Variants in GRIA1 observed in about 807,000 individuals in gnomAD.
GRIA1 encodes the protein glutamate ionotropic receptor AMPA type subunit 1.
Under a neutral mutation model 99.2 loss-of-function variants are expected in GRIA1, and 31 were observed. That is an observed-to-expected ratio of 0.31 (90% confidence interval 0.23 to 0.42). GRIA1 has a LOEUF of 0.42. Among genes scored for constraint, GRIA1 ranks in the 10% least tolerant of loss-of-function variants. The pLI, the probability that GRIA1 is intolerant of heterozygous loss-of-function variation, is 1.00. For synonymous variants in GRIA1, 438 were observed against 432.4 expected (o/e 1.01, Z -0.16); for missense variants, 782 against 1,157.5 (o/e 0.68, Z 4.71).
At chr5:153,657,818 G>T (rs1755063880) in intron 5 of GRIA1, among the ~76,000 whole-genome samples, 1 of 152,172 alleles carries the variant, frequency 6.6e-6, no homozygotes, top group African/African-American at 2.4e-5. Flanking sequence ...GCTGTTAATG[G>T]CTAAATATAT....
chr5:153,514,542 G>T (rs944552157), intron 2 of GRIA1, among the ~76,000 whole-genome samples: 1 of 152,066 alleles, frequency 6.6e-6, no homozygotes. Context: ...CTATTCCATT[G>T]GTCTACATAT....
intron 11 of GRIA1, among the ~76,000 whole-genome samples, chr5:153,708,011 G>C (rs1468330389): frequency 6.6e-6 from 1 of 152,124 alleles, no homozygotes; most frequent in African/African-American, 2.4e-5. Context: ...ACAACATGCA[G>C]GTGTCAGAGA....
intron 2 of GRIA1, among the ~76,000 whole-genome samples, chr5:153,555,354 C>T (rs1020507649): frequency 6.6e-6 from 1 of 151,532 alleles, no homozygotes; most frequent in African/African-American, 2.4e-5. Context: ...TTTCATTTTT[C>T]GCGCATTCCT....
chr5:153,707,904 C>A (rs1051616967), intron 11 of GRIA1, among the ~76,000 whole-genome samples: 3 of 152,010 alleles, frequency 2.0e-5, no homozygotes, highest in South Asian at 2.1e-4. Flanking sequence ...GTAGAGAGAA[C>A]CAAGCAGGGG....
intron 2 of GRIA1, among the ~76,000 whole-genome samples, chr5:153,535,979 A>G (rs1377859648): frequency 6.6e-6 from 1 of 152,120 alleles, no homozygotes; most frequent in Non-Finnish European, 1.5e-5. Flanking sequence ...TGCCAAATCC[A>G]TCCCAATTCT....
chr5:153,810,800 A>G (rs2149683427), intron 15 of GRIA1, among the ~76,000 whole-genome samples: 1 of 152,304 alleles, frequency 6.6e-6, no homozygotes, highest in Middle Eastern at 3.4e-3. Context: ...AATCTAACAC[A>G]CTTCATTGAA....
At chr5:153,700,279 G>A (rs940532075) in intron 10 of GRIA1, among the ~76,000 whole-genome samples, 5 of 152,164 alleles carry the variant, frequency 3.3e-5, no homozygotes, top group African/African-American at 4.8e-5. Flanking sequence ...CAGCTCCTTG[G>A]GAGGCTGAGG....
chr5:153,701,619 C>CAAAAAAAAAAAAAAAAAAAAAAAAAA lies in GRIA1; in HGVS notation c.1452+2569_1452+2570insAAAAAAAAAAAAAAAAAAAAAAAAAA, dbSNP rs70978504. On this transcript the variant is annotated intron_variant, in intron 10 of 15. Transcript: ENST00000285900. ...CTGGGCGACAAAGCGAGACCCGTCT[C>CAAAAAAAAAAAAAAAAAAAAAAAAAA]AAAAAAAAAAAAAAAAAAAAAAATA... 1.9e-3 allele frequency among the ~76,000 whole-genome samples: 76 copies of CAAAAAAAAAAAAAAAAAAAAAAAAAA among 39,400 alleles called. 18 individuals are homozygous for CAAAAAAAAAAAAAAAAAAAAAAAAAA. The highest frequency in any genetic ancestry group is 7.4e-3 in the East Asian group (4 of 540). 25.8% of individuals were successfully genotyped at this position (39,400 alleles called of 152,430 possible).
chr5:153,530,688 G>A (rs1025636766), intron 2 of GRIA1, among the ~76,000 whole-genome samples: 1 of 152,208 alleles, frequency 6.6e-6, no homozygotes, highest in Non-Finnish European at 1.5e-5. Context: ...ATTCAGACAG[G>A]CATGCTTTAC....
intron 2 of GRIA1, among the ~76,000 whole-genome samples, chr5:153,558,755 G>C (rs1760867396): frequency 6.6e-6 from 1 of 152,034 alleles, no homozygotes; most frequent in African/African-American, 2.4e-5. Flanking sequence ...TAAATATTAT[G>C]GGGAGTGGGC....
intron 2 of GRIA1, among the ~76,000 whole-genome samples, chr5:153,536,585 G>T (rs10463334): frequency 6.6e-6 from 1 of 151,954 alleles, no homozygotes; most frequent in Non-Finnish European, 1.5e-5. Context: ...CCCCAGCAAA[G>T]TGTGTTGAAT....
intron 2 of GRIA1, among the ~76,000 whole-genome samples, chr5:153,566,304 CTTTT>C: frequency 2.7e-5 from 1 of 36,554 alleles, no homozygotes; most frequent in East Asian, 1.2e-3. Flanking sequence ...AATTCCCTGC[CTTTT>C]TTTTTTTTTT....
chr5:153,743,622 C>A (rs1167161553), intron 11 of GRIA1, among the ~76,000 whole-genome samples: 1 of 152,144 alleles, frequency 6.6e-6, no homozygotes, highest in Non-Finnish European at 1.5e-5. Flanking sequence ...ATCCCTCCCA[C>A]TTCAAATCTC....
Position 153,719,453 on chromosome 5 carries a change from G to C in GRIA1, c.1823+13386G>C, listed in dbSNP as rs184516400. On this transcript the variant is annotated intron_variant, in intron 11 of 15. Transcript: ENST00000285900. Reference sequence around the variant, plus strand: ...AAGACTGTGGATAACTTGACAGCTGGGGGGAGGAATTATCTGAGGGCTTAC... The same window carrying C: ...AAGACTGTGGATAACTTGACAGCTGCGGGGAGGAATTATCTGAGGGCTTAC... Among the ~76,000 whole-genome samples the C allele has an allele frequency of 1.1e-3, 160 of 152,020 alleles. 1 individual carries two copies. The highest frequency in any genetic ancestry group is 3.4e-3 in the Middle Eastern group (1 of 294).
chr5:153,723,602 G>T (rs1208591031), intron 11 of GRIA1, among the ~76,000 whole-genome samples: 2 of 152,194 alleles, frequency 1.3e-5, no homozygotes, highest in African/African-American at 4.8e-5. Flanking sequence ...TCCCCCACCT[G>T]GCTCGGAGGG....
intron 2 of GRIA1, among the ~76,000 whole-genome samples, chr5:153,530,661 TG>T: frequency 6.6e-6 from 1 of 152,334 alleles, no homozygotes; most frequent in East Asian, 1.9e-4. Flanking sequence ...GTTCAACAGT[TG>T]GGCCTGGGTG....
intron 11 of GRIA1, among the ~76,000 whole-genome samples, chr5:153,714,096 T>A (rs1418645801): frequency 6.6e-6 from 1 of 152,060 alleles, no homozygotes; most frequent in African/African-American, 2.4e-5. Context: ...TTAGTGTAGG[T>A]TCAATAGCAT....
chr5:153,584,522 A>C (rs1245830441), intron 2 of GRIA1, among the ~76,000 whole-genome samples: 1 of 152,202 alleles, frequency 6.6e-6, no homozygotes, highest in Admixed American at 6.5e-5. Flanking sequence ...TTAAAGTCAC[A>C]GATCTCAAAG....
intron 11 of GRIA1, among the ~76,000 whole-genome samples, chr5:153,736,564 G>A (rs560264300): frequency 1.3e-5 from 2 of 152,286 alleles, no homozygotes; most frequent in Admixed American, 6.5e-5. Context: ...ATGTATGATC[G>A]CTGGATGTTT....
Sources: allele counts gnomAD v4.1 joint callset (sites outside exome capture counted in the v4.1 genomes callset), GRCh38; gene constraint gnomAD v4.1.1; transcripts MANE v1.5; gene names NCBI Gene and HGNC (gene_info 2026-07-23, HGNC 2026-07-21).